The following DNAAF5 variants were observed in gnomAD, a reference collection of about 807,000 sequenced individuals.
DNAAF5 encodes the protein dynein axonemal assembly factor 5.
Under a neutral mutation model 75.8 loss-of-function variants are expected in DNAAF5, and 64 were observed. That is an observed-to-expected ratio of 0.84 (90% CI 0.69 to 1.04). DNAAF5 has a LOEUF of 1.04. Ranked by LOEUF, DNAAF5 falls within the 50% of genes least tolerant of loss-of-function variation. The probability of loss-of-function intolerance (pLI) is 0.00; values close to 1 mark genes in which losing one functional copy is unlikely to be tolerated. For missense variants in DNAAF5, 1,269 were observed against 1,178.5 expected, an observed-to-expected ratio of 1.08 and a Z score of -1.12; for synonymous variants, 657 against 557.2, an observed-to-expected ratio of 1.18 and a Z score of -2.52.
intron 8 of DNAAF5, among the ~76,000 whole-genome samples, chr7:766,938 A>T (rs1480653267): frequency 6.6e-6 from 1 of 152,214 alleles, no homozygotes; most frequent in Non-Finnish European, 1.5e-5. Flanking sequence ...AGGAAATATG[A>T]ATTAAAGACT....
rs1057086572 is a variant in DNAAF5, at chr7:740,767, C to T, written c.781-52C>T. 2.5e-6 allele frequency: 4 copies of T among 1,605,880 alleles called. 1 individual carries two copies. The highest frequency in any genetic ancestry group is 1.1e-5 in the South Asian group (1 of 90,750). On this transcript the variant is annotated intron_variant, in intron 2 of 12. Coordinates refer to ENST00000297440, the MANE Select transcript of DNAAF5 (RefSeq NM_017802.4). ...CTCAGAGCCGCACCGTGGCGTCAGC[C>T]CCGGCATCCCCTTTGCCTACACGAA...
chr7:734,916 G>A (rs112645676), intron 2 of DNAAF5, among the ~76,000 whole-genome samples: 46 of 151,912 alleles, frequency 3.0e-4, no homozygotes, highest in African/African-American at 9.9e-4. Flanking sequence ...TCACAGTGTC[G>A]TTGCTCATAT....
chr7:745,627 G>A (rs1322661950), intron 4 of DNAAF5, among the ~76,000 whole-genome samples: 1 of 152,050 alleles, frequency 6.6e-6, no homozygotes, highest in African/African-American at 2.4e-5. Context: ...GCACACACGT[G>A]TACATGTATA....
intron 1 of DNAAF5, 83 bp from the exon 2 acceptor site, chr7:729,580 G>A (rs773673048): frequency 1.5e-6 from 2 of 1,363,318 alleles, no homozygotes; most frequent in Non-Finnish European, 2.0e-6. Context: ...CTCATAGGCA[G>A]GCAGCCGTCC....
At chr7:777,360 C>T (rs535142045) in intron 11 of DNAAF5, among the ~76,000 whole-genome samples, 7 of 152,262 alleles carry the variant, frequency 4.6e-5, no homozygotes, top group South Asian at 2.1e-4. Flanking sequence ...ATAATAGAAC[C>T]ACCTCAAAGT....
At chr7:778,852 C>T (rs1162716051) in intron 11 of DNAAF5, among the ~76,000 whole-genome samples, 3 of 152,234 alleles carry the variant, frequency 2.0e-5, no homozygotes, top group Admixed American at 6.5e-5. Context: ...CCCCATGCAG[C>T]GAGGGCTCCC....
intron 2 of DNAAF5, among the ~76,000 whole-genome samples, chr7:730,768 C>G (rs534727105): frequency 6.6e-6 from 1 of 151,608 alleles, no homozygotes; most frequent in East Asian, 1.9e-4. Flanking sequence ...GGGCTGTGCG[C>G]AGAGACACAG....
At position 776,511 on chromosome 7, in the gene DNAAF5, G is replaced by A. The variant is rs543628880; in HGVS notation, c.2239+1349G>A. Among the ~76,000 whole-genome samples the A allele has an allele frequency of 5.8e-4, 88 of 151,924 alleles. 3 individuals carry two copies. Among genetic ancestry groups the A allele is most frequent in the South Asian group, 1.9e-3 (9 of 4,786 alleles). ...GACAAGGCTCAGCTTCCACGCGGCCGGGAAGGGGGACCTCAGGGTGGGGCG... is the reference window on the plus strand; with the variant it reads ...GACAAGGCTCAGCTTCCACGCGGCCAGGAAGGGGGACCTCAGGGTGGGGCG... On this transcript the variant is annotated intron_variant, in intron 11 of 12. Coordinates refer to ENST00000297440, the MANE Select transcript of DNAAF5 (RefSeq NM_017802.4).
intron 9 of DNAAF5, 117 bp downstream of exon 9, chr7:770,735 C>T (rs1778534181): frequency 2.0e-6 from 2 of 1,004,158 alleles, no homozygotes; most frequent in South Asian, 1.6e-5. Context: ...CCCAACACTG[C>T]ACTGCGCAAG....
chr7:763,265 C>T (rs1295820015), intron 7 of DNAAF5, among the ~76,000 whole-genome samples: 1 of 152,196 alleles, frequency 6.6e-6, no homozygotes, highest in African/African-American at 2.4e-5. Context: ...CAGGTAGCCC[C>T]AGATTCAGAC....
intron 6 of DNAAF5, 21 bp downstream of exon 6, chr7:757,015 C>T (rs766581582): frequency 6.3e-6 from 10 of 1,587,948 alleles, no homozygotes; most frequent in Admixed American, 1.7e-5. Context: ...TTGGGAGATG[C>T]GGGAGTGGAG....
At position 754,863 on chromosome 7, in the gene DNAAF5, C is replaced by A. The variant is rs775632714; in HGVS notation, c.1257+42C>A. The A allele has an allele frequency of 3.0e-5, 43 of 1,434,264 alleles. No individual in the cohort carries two copies. Among genetic ancestry groups the A allele is most frequent in the Middle Eastern group, 4.6e-4 (2 of 4,352 alleles). 88.8% of individuals were successfully genotyped at this position (1,434,264 alleles called of 1,614,324 possible). A position where few individuals can be genotyped will look rare whatever the true frequency, so the allele number is the denominator to read the frequency against. On this transcript the variant is annotated intron_variant, in intron 5 of 12. Transcript: ENST00000297440. The surrounding 1 kb of genome is among the most constrained non-coding windows in gnomAD (Gnocchi z 4.8). ...CAGTCGTGGTCGCGGAGCTGTAACT[C>A]GAGCTTAAGATCCCGCCTCTGTGGT...
chr7:729,704 A>G lies in DNAAF5; in HGVS notation c.637A>G (p.Met213Val). Residue 213 changes from methionine to valine, a missense_variant, in exon 2 of 13, where the codon ATG becomes GTG. Physicochemically the swap from Met to Val is conservative, Grantham distance 21 (BLOSUM62 1). Transcript: ENST00000297440. ...MQSESLIGPLMQTISHQHWKV... is the reference protein window; with the variant it reads ...MQSESLIGPLVQTISHQHWKV... ...GTCGGAGTCTCTGATCGGGCCCCTG[A>G]TGCAGACCATCTCCCACCAGCACTG... The G allele has an allele frequency of 6.2e-7, 1 of 1,614,076 alleles. No homozygotes were observed. The highest frequency in any genetic ancestry group is 8.5e-7 in the Non-Finnish European group (1 of 1,180,004).
chr7:731,084 C>T (rs570979291), intron 2 of DNAAF5, among the ~76,000 whole-genome samples: 24 of 152,288 alleles, frequency 1.6e-4, no homozygotes, highest in African/African-American at 4.3e-4. Context: ...GAAGTGCAGG[C>T]GGCCGGCTGG....
chr7:754,491 G>A lies in DNAAF5; in HGVS notation c.1025-98G>A, dbSNP rs2128078221. The A allele has an allele frequency of 3.0e-6, 3 of 1,002,040 alleles. No homozygotes were observed. The highest frequency in any genetic ancestry group is 4.7e-6 in the Non-Finnish European group (3 of 644,618). 62.1% of individuals were successfully genotyped at this position (1,002,040 alleles called of 1,614,324 possible). A position where few individuals can be genotyped will look rare whatever the true frequency, so the allele number is the denominator to read the frequency against. On this transcript the variant is annotated intron_variant, in intron 4 of 12. Transcript: ENST00000297440. The surrounding 1 kb of genome is among the most constrained non-coding windows in gnomAD (Gnocchi z 4.8). ...AGACTTGTTTTGAAATGGTGAGGTT[G>A]AAACTCACAGGTGTCCCTTAAATGT...
rs73256301 is a variant in DNAAF5, at chr7:745,493, C to T, written c.1024+4028C>T. On this transcript the variant is annotated intron_variant, in intron 4 of 12. Transcript: ENST00000297440. The stretch of plus-strand genomic sequence containing the variant: ...ACACACCTGTGCACACATGTACATG[C>T]ATATCGCACACACGTGCACATATGC... Among the ~76,000 whole-genome samples, 445 of 152,282 alleles carry T rather than the reference C, an allele frequency of 2.9e-3. 3 individuals are homozygous for T. The highest frequency in any genetic ancestry group is 0.01 in the African/African-American group (423 of 41,544).
At position 755,219 on chromosome 7, in the gene DNAAF5, C is replaced by A. The variant is rs141900634; in HGVS notation, c.1257+398C>A. Among the ~76,000 whole-genome samples, 17 of 152,306 alleles carry A rather than the reference C, an allele frequency of 1.1e-4. No homozygotes were observed. In the East Asian group the frequency reaches 3.3e-3, roughly 29 times the overall value. On this transcript the variant is annotated intron_variant, in intron 5 of 12. Transcript: ENST00000297440. Reference sequence around the variant, plus strand: ...CCAGGCCTCGCAGGGGCTGTGGGAGCACCCAGACGGGGGATGATGGCACAG... The same window carrying A: ...CCAGGCCTCGCAGGGGCTGTGGGAGAACCCAGACGGGGGATGATGGCACAG...
chr7:769,203 A>G (rs1778467984), intron 8 of DNAAF5: 7 of 772,870 alleles, frequency 9.1e-6, no homozygotes, highest in Non-Finnish European at 1.7e-5. Context: ...GCAACGGCTC[A>G]AGGTGACTCA....
At chr7:765,500 C>G (rs1782792077) in intron 8 of DNAAF5, among the ~76,000 whole-genome samples, 1 of 152,190 alleles carries the variant, frequency 6.6e-6, no homozygotes. Flanking sequence ...GAAGCCAGGA[C>G]TTGCATTTAC....
Sources: gnomAD v4.1 joint callset for allele counts (sites outside exome capture counted in the v4.1 genomes callset) on GRCh38, gnomAD v4.1.1 for gene constraint, Gnocchi (gnomAD v3.1) non-coding constraint, MANE v1.5 for transcripts, NCBI Gene and HGNC (gene_info 2026-07-23, HGNC 2026-07-21) for gene names.